PRAG1: variants seen among roughly 807,000 people sequenced by gnomAD.
PRAG1 encodes PEAK1 related, kinase-activating pseudokinase 1, also known as inactive tyrosine-protein kinase PRAG1.
Under a neutral mutation model 95.6 loss-of-function variants are expected in PRAG1, and 110 were observed. The ratio of observed to expected loss-of-function variants is 1.15; its 90% CI spans 0.99 to 1.35. The LOEUF (loss-of-function observed/expected upper bound fraction) is 1.35, where lower values mean the gene tolerates loss of function less well. Among genes scored for constraint, PRAG1 ranks in the 40% most tolerant of loss-of-function variants. The pLI is 0.00. For missense variants in PRAG1, 2,554 were observed against 1,864.7 expected (o/e 1.37, Z -6.81); for synonymous variants, 1,052 against 819.4 (o/e 1.28, Z -4.85).
rs781036879 is a variant in PRAG1 at position 8,318,257 on chromosome 8, C to A, written c.4118G>T (p.Arg1373Leu). 6.2e-7 allele frequency: 1 copy of A among 1,614,188 alleles called. No individual in the cohort carries two copies. Reference protein sequence around the residue: ...MMKFAEKAVDRRRGVELEDWL... With the variant: ...MMKFAEKAVDLRRGVELEDWL... ...GTCCTCCAGCTCCACGCCCCGCCTGCGATCCACCGCCTTCTCCGCAAACTT... is the reference window on the plus strand; with the variant it reads ...GTCCTCCAGCTCCACGCCCCGCCTGAGATCCACCGCCTTCTCCGCAAACTT... The change falls in exon 6 of 6, where the codon CGC (arginine) becomes CTC (leucine). Residue 1373 changes from arginine to leucine, a missense_variant. Physicochemically the swap from Arg to Leu is moderately radical, Grantham distance 102 (BLOSUM62 -2). Transcript: ENST00000615670. This position sits in a 1 kb window ranked among gnomAD's most constrained non-coding sequence, Gnocchi z 4.2.
intron 4 of PRAG1, among the ~76,000 whole-genome samples, chr8:8,333,921 A>G (rs1292078235): frequency 6.6e-6 from 1 of 152,218 alleles, no homozygotes; most frequent in Non-Finnish European, 1.5e-5. Flanking sequence ...TGAGAAAACT[A>G]AAGCCATCTG....
intron 3 of PRAG1, among the ~76,000 whole-genome samples, chr8:8,363,795 C>G (rs1914825): frequency 0.21 from 32,659 of 151,996 alleles, 4,244 homozygotes; most frequent in African/African-American, 0.36. Flanking sequence ...TCCTTAAAAA[C>G]AGACATAGTG....
Position 8,328,446 on chromosome 8 carries a change from A to G in PRAG1, c.2336T>C (p.Leu779Pro). Residue 779 changes from leucine to proline, a missense_variant, in exon 5 of 6, where the codon CTG becomes CCG. Physicochemically the swap from Leu to Pro is moderately conservative, Grantham distance 98. Coordinates refer to ENST00000615670, the MANE Select transcript of PRAG1 (RefSeq NM_001080826.3). ...TCSDGGPSSE[L>P]AHSPTNSGKK... ...CCCGCTGTTGGTGGGCGAGTGAGCCAGCTCAGACGAGGGACCTGAAGAGGA... is the reference window on the plus strand; with the variant it reads ...CCCGCTGTTGGTGGGCGAGTGAGCCGGCTCAGACGAGGGACCTGAAGAGGA... 6.2e-7 allele frequency: 1 copy of G among 1,613,578 alleles called. No homozygotes were observed. Among genetic ancestry groups the G allele is most frequent in the African/African-American group, 1.3e-5 (1 of 75,058 alleles).
chr8:8,368,153 GA>G (rs1800073701), intron 3 of PRAG1, among the ~76,000 whole-genome samples: 1 of 152,176 alleles, frequency 6.6e-6, no homozygotes, highest in Admixed American at 6.5e-5. Flanking sequence ...AAGTTGGGGG[GA>G]ACATTCAACA....
chr8:8,354,173 GA>G (rs1799615254), intron 3 of PRAG1, among the ~76,000 whole-genome samples: 2 of 152,058 alleles, frequency 1.3e-5, no homozygotes, highest in Non-Finnish European at 2.9e-5. Context: ...CAACAAATTG[GA>G]TGACAGAGAG....
intron 3 of PRAG1, among the ~76,000 whole-genome samples, chr8:8,347,269 C>A (rs1273942949): frequency 6.6e-6 from 1 of 152,142 alleles, no homozygotes; most frequent in Admixed American, 6.5e-5. Context: ...GTGTGAAGAG[C>A]CAGCTTCAGA....
At chr8:8,373,176 C>A (rs1403968690) in intron 3 of PRAG1, among the ~76,000 whole-genome samples, 2 of 152,138 alleles carry the variant, frequency 1.3e-5, no homozygotes, top group Non-Finnish European at 2.9e-5. Flanking sequence ...TGCATTCTCA[C>A]TAACACTCTG....
At chr8:8,349,896 G>T (rs1219439080) in intron 3 of PRAG1, among the ~76,000 whole-genome samples, 1 of 149,694 alleles carries the variant, frequency 6.7e-6, no homozygotes, top group Non-Finnish European at 1.5e-5. Flanking sequence ...TTTAACACAG[G>T]ATAAACTCAT....
chr8:8,350,390 G>C (rs1025480661), intron 3 of PRAG1, among the ~76,000 whole-genome samples: 2 of 152,148 alleles, frequency 1.3e-5, no homozygotes, highest in Non-Finnish European at 2.9e-5. Flanking sequence ...TAAGAACAAC[G>C]TGTTCCAACT....
At chr8:8,354,577 G>T (rs755261897) in intron 3 of PRAG1, among the ~76,000 whole-genome samples, 1 of 152,140 alleles carries the variant, frequency 6.6e-6, no homozygotes, top group Non-Finnish European at 1.5e-5. Flanking sequence ...AAAAGATTAC[G>T]TAATGTGACC....
intron 3 of PRAG1, among the ~76,000 whole-genome samples, chr8:8,343,069 C>T (rs916726304): frequency 5.3e-5 from 8 of 151,974 alleles, no homozygotes; most frequent in African/African-American, 1.7e-4. Flanking sequence ...AAGAAACAGA[C>T]AAATGACCCC....
chr8:8,367,521 C>CACG (rs976132449), intron 3 of PRAG1, among the ~76,000 whole-genome samples: 13 of 147,410 alleles, frequency 8.8e-5, no homozygotes, highest in African/African-American at 3.2e-4. Flanking sequence ...GTGATGCCAC[C>CACG]ACGCTGACTG....
At chr8:8,375,954 C>A (rs1800370624) in intron 3 of PRAG1, among the ~76,000 whole-genome samples, 1 of 152,068 alleles carries the variant, frequency 6.6e-6, no homozygotes, top group Non-Finnish European at 1.5e-5. Flanking sequence ...AAAAAGAGGA[C>A]CAGATTATAA....
At chr8:8,385,828 G>A (rs147095169) in intron 1 of PRAG1, among the ~76,000 whole-genome samples, 1,902 of 152,174 alleles carry the variant, frequency 0.012, 12 homozygotes, top group Non-Finnish European at 0.017. Context: ...TCGGGGAAAA[G>A]GGCATCATCT....
At chr8:8,363,691 C>T (rs142738462) in intron 3 of PRAG1, among the ~76,000 whole-genome samples, 12 of 152,102 alleles carry the variant, frequency 7.9e-5, no homozygotes, top group African/African-American at 1.2e-4. Context: ...AAAATGGTTA[C>T]GATGGTGAAT....
intron 4 of PRAG1, 38 bp from the exon 5 acceptor site, chr8:8,328,499 G>A (rs756545845): frequency 3.7e-6 from 6 of 1,601,506 alleles, no homozygotes; most frequent in Admixed American, 1.7e-5. Context: ...ACCAAGGCCA[G>A]TGCCACTCAA....
intron 5 of PRAG1, among the ~76,000 whole-genome samples, chr8:8,325,184 G>C (rs932032184): frequency 6.6e-6 from 1 of 152,206 alleles, no homozygotes; most frequent in Non-Finnish European, 1.5e-5. Context: ...AGCTAATGAA[G>C]TGGAACAGCT....
intron 4 of PRAG1, among the ~76,000 whole-genome samples, chr8:8,334,407 G>T (rs1455905424): frequency 6.6e-6 from 1 of 150,634 alleles, no homozygotes; most frequent in Non-Finnish European, 1.5e-5. Context: ...CTGCACTCCA[G>T]CCTTGGTGAC....
At position 8,328,067 on chromosome 8, in the gene PRAG1, G is replaced by A. The variant is rs750148724; in HGVS notation, c.2715C>T (p.Cys905=). Reference sequence around the variant, plus strand: ...CTTTGCACTGGAGGCCAGGGCTCCCGCAGCCGCCTCTGTTGCCCGCCAGCC... The same window carrying A: ...CTTTGCACTGGAGGCCAGGGCTCCCACAGCCGCCTCTGTTGCCCGCCAGCC... ...AAGLAGNRGG[C]GSPGLQCKGA... is the part of the protein sequence containing the mutation. The change falls in exon 5 of 6, where the codon TGC becomes TGT. Residue 905 remains cysteine (C), a synonymous_variant. Transcript: ENST00000615670. 1.8e-5 allele frequency: 28 copies of A among 1,599,394 alleles called. No homozygotes were observed. The highest frequency in any genetic ancestry group is 3.3e-4 in the Middle Eastern group (2 of 5,990).
Sources: allele counts gnomAD v4.1 joint callset (sites outside exome capture counted in the v4.1 genomes callset), GRCh38; gene constraint gnomAD v4.1.1; non-coding constraint Gnocchi (gnomAD v3.1); transcripts MANE v1.5; gene names NCBI Gene and HGNC (gene_info 2026-07-23, HGNC 2026-07-21).